Variants in RPSA2 observed in about 807,000 individuals in gnomAD.
The protein encoded by RPSA2 is small ribosomal subunit protein uS2B.
the RPSA2 span, among the ~76,000 whole-genome samples, chr19:23,857,485 C>CTTTT: frequency 4.7e-3 from 448 of 95,206 alleles, 11 homozygotes; most frequent in African/African-American, 0.016. Context: ...TTTTTAAAGT[C>CTTTT]TTTTTTTTTT....
chr19:23,834,463 A>G, the RPSA2 span, among the ~76,000 whole-genome samples: 1 of 152,156 alleles, frequency 6.6e-6, no homozygotes, highest in African/African-American at 2.4e-5. Flanking sequence ...TGTAAGATGC[A>G]TAATGAAAAT....
At chr19:23,767,805 C>T in the RPSA2 span, among the ~76,000 whole-genome samples, 15 of 142,714 alleles carry the variant, frequency 1.1e-4, no homozygotes, top group South Asian at 1.8e-3. Flanking sequence ...CTAGCTCTGT[C>T]GCCCAGGCTG....
chr19:23,806,035 CCTT>C, the RPSA2 span, among the ~76,000 whole-genome samples: 1 of 103,462 alleles, frequency 9.7e-6, no homozygotes, highest in African/African-American at 3.6e-5. Context: ...ATCTATCTAT[CCTT>C]CTTTCTTTCT....
the RPSA2 span, among the ~76,000 whole-genome samples, chr19:23,812,388 CTT>C: frequency 1.8e-5 from 2 of 114,182 alleles, no homozygotes; most frequent in East Asian, 2.6e-4. Flanking sequence ...CTCTTTTTCT[CTT>C]TTTTTTTTTT....
At chr19:23,799,452 C>G in the RPSA2 span, 1 of 152,236 alleles carries the variant, frequency 6.6e-6, no homozygotes, top group Non-Finnish European at 1.5e-5. Flanking sequence ...AGGTGCAGTT[C>G]TACCCAGGGA....
At chr19:23,848,208 G>A in the RPSA2 span, among the ~76,000 whole-genome samples, 1 of 152,194 alleles carries the variant, frequency 6.6e-6, no homozygotes, top group East Asian at 1.9e-4. Flanking sequence ...AAATATCCAT[G>A]AAATCTTCAC....
the RPSA2 span, among the ~76,000 whole-genome samples, chr19:23,776,626 T>C: frequency 6.6e-6 from 1 of 152,176 alleles, no homozygotes; most frequent in African/African-American, 2.4e-5. Context: ...CTGCCTGGTT[T>C]CTTCTCACAA....
At chr19:23,807,220 G>A in the RPSA2 span, among the ~76,000 whole-genome samples, 1 of 152,092 alleles carries the variant, frequency 6.6e-6, no homozygotes, top group African/African-American at 2.4e-5. Context: ...GTAAATGAAA[G>A]CTCTCATCTT....
chr19:23,794,835 C>T, the RPSA2 span, among the ~76,000 whole-genome samples: 1 of 152,074 alleles, frequency 6.6e-6, no homozygotes, highest in Non-Finnish European at 1.5e-5. Context: ...ATATTTCAGC[C>T]TTTAATTAAT....
the RPSA2 span, chr19:23,843,264 T>C: frequency 4.9e-6 from 1 of 204,362 alleles, no homozygotes; most frequent in Admixed American, 5.0e-5. Flanking sequence ...GAGACAGTGG[T>C]CAAATACTCT....
At chr19:23,761,921 T>TCTCTCTCTCTCTCTCTCGC in the RPSA2 span, among the ~76,000 whole-genome samples, 1 of 76,142 alleles carries the variant, frequency 1.3e-5, no homozygotes, top group African/African-American at 5.2e-5. Context: ...TCTTTCTTTC[T>TCTCTCTCTCTCTCTCTCGC]TTTTTTTTTT....
At chr19:23,795,897 G>A in the RPSA2 span, among the ~76,000 whole-genome samples, 1 of 152,086 alleles carries the variant, frequency 6.6e-6, no homozygotes, top group Non-Finnish European at 1.5e-5. Context: ...TCCACAGCCT[G>A]TAAAGTAATT....
chr19:23,786,217 T>C, the RPSA2 span, among the ~76,000 whole-genome samples: 25 of 152,308 alleles, frequency 1.6e-4, no homozygotes, highest in African/African-American at 5.8e-4. Flanking sequence ...ATTGGTGAAA[T>C]TGTCAGTACT....
chr19:23,854,989 T>A, the RPSA2 span, among the ~76,000 whole-genome samples: 1 of 152,330 alleles, frequency 6.6e-6, no homozygotes, highest in South Asian at 2.1e-4. Flanking sequence ...CAGAGACAGA[T>A]TTTTGAACAG....
At chr19:23,800,339 CTCTT>C in the RPSA2 span, among the ~76,000 whole-genome samples, 1 of 152,110 alleles carries the variant, frequency 6.6e-6, no homozygotes, top group East Asian at 1.9e-4. Flanking sequence ...CATGCCCAAC[CTCTT>C]TCTTTTCTAT....
chr19:23,804,630 C>T, the RPSA2 span, among the ~76,000 whole-genome samples: 2 of 152,094 alleles, frequency 1.3e-5, no homozygotes, highest in Non-Finnish European at 2.9e-5. Flanking sequence ...TAATAATGAG[C>T]CCAGAGAGAG....
chr19:23,831,154 C>T, the RPSA2 span, among the ~76,000 whole-genome samples: 1 of 152,028 alleles, frequency 6.6e-6, no homozygotes, highest in Non-Finnish European at 1.5e-5. Context: ...TCAAAATATG[C>T]CACCATTTCT....
chr19:23,796,412 T>C, the RPSA2 span, among the ~76,000 whole-genome samples: 1 of 67,440 alleles, frequency 1.5e-5, no homozygotes, highest in East Asian at 5.3e-4. Flanking sequence ...TTGAAAGATA[T>C]TGGCCTGATT....
the RPSA2 span, among the ~76,000 whole-genome samples, chr19:23,773,070 CT>C: frequency 3.5e-4 from 4 of 11,362 alleles, no homozygotes; most frequent in East Asian, 9.4e-3. Context: ...ACTCCGTCTC[CT>C]CCTGTGTGTA....
Sources: gnomAD v4.1 joint callset for allele counts (sites outside exome capture counted in the v4.1 genomes callset) on GRCh38, gnomAD v4.1.1 for gene constraint, MANE v1.5 for transcripts, NCBI Gene and HGNC (gene_info 2026-07-23, HGNC 2026-07-21) for gene names.